The following VPS13B variants were observed in gnomAD, a reference collection of about 807,000 sequenced individuals.
VPS13B encodes the protein intermembrane lipid transfer protein VPS13B.
In VPS13B, 285 loss-of-function variants were observed where a neutral mutation model predicts 426.4. That is an observed-to-expected ratio of 0.67 (90% CI 0.61 to 0.74). The LOEUF (loss-of-function observed/expected upper bound fraction) is 0.74, where lower values mean the gene tolerates loss of function less well. VPS13B is among the 30% of genes least tolerant of loss of function. The pLI is 0.00. For synonymous variants in VPS13B, 1,676 were observed against 1,676.4 expected (o/e 1.00, Z 0.01); for missense variants, 4,537 against 4,782.6 (o/e 0.95, Z 1.51).
chr8:99,237,830 AAAGT>A (rs1397323247), intron 17 of VPS13B, among the ~76,000 whole-genome samples: 3 of 151,834 alleles, frequency 2.0e-5, no homozygotes, highest in Admixed American at 6.6e-5. Context: ...CAAAAAAAAG[AAAGT>A]GTTTGTTACC....
At chr8:99,398,149 A>G (rs77292400) in intron 21 of VPS13B, among the ~76,000 whole-genome samples, 1 of 152,238 alleles carries the variant, frequency 6.6e-6, no homozygotes, top group Non-Finnish European at 1.5e-5. Flanking sequence ...ACAGTAAGAG[A>G]TATAGACTTG....
At chr8:99,592,718 A>G (rs1436645030) in intron 33 of VPS13B, among the ~76,000 whole-genome samples, 2 of 152,122 alleles carry the variant, frequency 1.3e-5, no homozygotes, top group African/African-American at 4.8e-5. Flanking sequence ...AAACAGATAC[A>G]TAGACCAATG....
In VPS13B at chr8:99,875,618, T is replaced by TAAATTTACCATGGTGA. The variant is rs1460675432; in HGVS notation, c.11950_11965dup (p.Asn3989IlefsTer7). On this transcript the variant is annotated frameshift_variant, in exon 62 of 62. Coordinates refer to ENST00000357162, the MANE Select transcript of VPS13B (RefSeq NM_152564.5). LOFTEE classifies it high-confidence loss of function. ...CACATTTTGCTCAGGTCTTCCTTAG[T>TAAATTTACCATGGTGA]AAATTTACCATGGTGAAAAATAAAG... The TAAATTTACCATGGTGA allele has an allele frequency of 6.2e-7, 1 of 1,614,224 alleles. No homozygotes were observed. Among genetic ancestry groups the TAAATTTACCATGGTGA allele is most frequent in the Non-Finnish European group, 8.5e-7 (1 of 1,180,034 alleles).
At chr8:99,129,281 T>G (rs967331152) in intron 8 of VPS13B, among the ~76,000 whole-genome samples, 3 of 151,606 alleles carry the variant, frequency 2.0e-5, no homozygotes, top group Admixed American at 2.0e-4. Flanking sequence ...TAAAATAAGA[T>G]ATTAAAAAAT....
intron 30 of VPS13B, among the ~76,000 whole-genome samples, chr8:99,522,030 G>A (rs1193179575): frequency 6.6e-6 from 1 of 152,058 alleles, no homozygotes; most frequent in Non-Finnish European, 1.5e-5. Context: ...TTTCAGAGCA[G>A]AAAGCGTCTT....
chr8:99,196,204 G>T, intron 17 of VPS13B, among the ~76,000 whole-genome samples: 1 of 151,454 alleles, frequency 6.6e-6, no homozygotes, highest in African/African-American at 2.4e-5. Context: ...CCATTTATTT[G>T]TGTTTTTTTT....
At chr8:99,347,537 A>C (rs1429608371) in intron 19 of VPS13B, 1 of 152,262 alleles carries the variant, frequency 6.6e-6, no homozygotes, top group Non-Finnish European at 1.5e-5. Flanking sequence ...TCATCAGGCC[A>C]ATGTATGAGA....
intron 35 of VPS13B, among the ~76,000 whole-genome samples, chr8:99,679,971 A>G (rs1563859354): frequency 6.6e-6 from 1 of 152,116 alleles, no homozygotes; most frequent in African/African-American, 2.4e-5. Flanking sequence ...TGTGTTTTGC[A>G]TTTACTAAGA....
intron 23 of VPS13B, among the ~76,000 whole-genome samples, chr8:99,456,271 T>A (rs1818454807): frequency 6.6e-6 from 1 of 152,056 alleles, no homozygotes; most frequent in Non-Finnish European, 1.5e-5. Flanking sequence ...TGGGTTCAAG[T>A]GATTCTCGTG....
chr8:99,355,950 A>G (rs968007088), intron 19 of VPS13B, among the ~76,000 whole-genome samples: 1 of 152,136 alleles, frequency 6.6e-6, no homozygotes, highest in African/African-American at 2.4e-5. Flanking sequence ...TTGGTGCCTA[A>G]GAAATATTTG....
intron 43 of VPS13B, among the ~76,000 whole-genome samples, chr8:99,795,655 G>A (rs1812767614): frequency 6.6e-6 from 1 of 152,168 alleles, no homozygotes; most frequent in Non-Finnish European, 1.5e-5. Context: ...TTCTGATAAG[G>A]TTGTAATCAA....
intron 35 of VPS13B, among the ~76,000 whole-genome samples, chr8:99,688,133 C>CTTTT (rs1307921649): frequency 4.2e-4 from 48 of 112,990 alleles, no homozygotes; most frequent in Non-Finnish European, 5.6e-4. Context: ...TCCTTGCTTG[C>CTTTT]TTTTTTTTTT....
At chr8:99,746,327 G>C (rs141693643) in intron 39 of VPS13B, among the ~76,000 whole-genome samples, 1 of 152,046 alleles carries the variant, frequency 6.6e-6, no homozygotes, top group African/African-American at 2.4e-5. Context: ...TGTTAAAATT[G>C]ATCAGGTAGT....
At chr8:99,133,083 A>G (rs1588073407) in intron 8 of VPS13B, among the ~76,000 whole-genome samples, 1 of 152,314 alleles carries the variant, frequency 6.6e-6, no homozygotes, top group East Asian at 1.9e-4. Flanking sequence ...TCTCTAGCTC[A>G]GATGACATCT....
At chr8:99,647,740 A>G (rs1177963882) in intron 34 of VPS13B, among the ~76,000 whole-genome samples, 11 of 152,194 alleles carry the variant, frequency 7.2e-5, no homozygotes, top group Admixed American at 7.2e-4. Context: ...GGACCTACAC[A>G]GATAACGCTG....
In VPS13B at chr8:99,098,435, C is replaced by T. The variant is rs536859953; in HGVS notation, c.412+2003C>T. 4.6e-5 allele frequency among the ~76,000 whole-genome samples: 7 copies of T among 152,148 alleles called. No individual in the cohort carries two copies. In the East Asian group the frequency reaches 1.3e-3, roughly 29 times the overall value. On this transcript the variant is annotated intron_variant, in intron 4 of 61. Transcript: ENST00000357162. ...TTATGCCAAAAACATGTTTCCAGGC[C>T]ATTCACATTTTTTACGTTGTTATTT...
chr8:99,464,271 A>C (rs1818987247), intron 23 of VPS13B, among the ~76,000 whole-genome samples: 1 of 152,212 alleles, frequency 6.6e-6, no homozygotes, highest in Non-Finnish European at 1.5e-5. Flanking sequence ...TAATGAAAAC[A>C]AAGAAAACTG....
rs779913773 is a variant in VPS13B, at chr8:99,793,254, CATATATATATATATATAT to C, written c.7941+8792_7941+8809del. On this transcript the variant is annotated intron_variant, in intron 43 of 61. Transcript: ENST00000357162. The stretch of plus-strand genomic sequence containing the variant: ...TTTGGAGACAGGGTCTTGCCCTCTC[CATATATATATATATATAT>C]ATATATATATATAAAATACATGATG... Among the ~76,000 whole-genome samples the C allele has an allele frequency of 2.4e-3, 257 of 107,026 alleles. 7 individuals carry two copies. The highest frequency in any genetic ancestry group is 9.0e-3 in the African/African-American group (250 of 27,846). 70.2% of individuals were successfully genotyped at this position (107,026 alleles called of 152,430 possible). A position where few individuals can be genotyped will look rare whatever the true frequency, so the allele number is the denominator to read the frequency against.
intron 30 of VPS13B, among the ~76,000 whole-genome samples, chr8:99,545,618 C>T (rs116864816): frequency 1.4e-4 from 21 of 152,116 alleles, no homozygotes; most frequent in African/African-American, 3.9e-4. Context: ...ATAGATTTCA[C>T]GAAATTGTGT....
Sources: gnomAD v4.1 joint callset for allele counts (sites outside exome capture counted in the v4.1 genomes callset) on GRCh38, gnomAD v4.1.1 for gene constraint, MANE v1.5 for transcripts, NCBI Gene and HGNC (gene_info 2026-07-23, HGNC 2026-07-21) for gene names.